MYO1H: variants seen among roughly 807,000 people sequenced by gnomAD.
MYO1H encodes myosin IH.
Under a neutral mutation model 149.3 loss-of-function variants are expected in MYO1H, and 118 were observed. The observed-to-expected ratio is 0.79, with a 90% confidence interval of 0.68 to 0.92. The LOEUF (loss-of-function observed/expected upper bound fraction) is 0.92. MYO1H is among the 40% of genes least tolerant of loss of function. The pLI, the probability that MYO1H is intolerant of heterozygous loss-of-function variation, is 0.00. For missense variants in MYO1H, 1,212 were observed against 1,280.7 expected (o/e 0.95, Z 0.82); for synonymous variants, 447 against 465.2 (o/e 0.96, Z 0.50).
At chr12:109,436,908 G>A (rs1871883904) in intron 22 of MYO1H, among the ~76,000 whole-genome samples, 1 of 151,930 alleles carries the variant, frequency 6.6e-6, no homozygotes. Flanking sequence ...TGGCAGCATG[G>A]TGAAACCCTG....
In MYO1H at chr12:109,410,062, C is replaced by CAT. The variant is rs1326569214; in HGVS notation, c.1325_1326dup (p.Glu443Ter). On this transcript the variant is annotated frameshift_variant, in exon 12 of 32. Transcript: ENST00000310903. LOFTEE classifies it high-confidence loss of function. ...AACAGGCAGAATATGAAATGGAAGG[C>CAT]ATAGAGGTAAACATTTTGATGTTTT... The CAT allele has an allele frequency of 6.7e-7, 1 of 1,493,140 alleles. No individual in the cohort carries two copies. The highest frequency in any genetic ancestry group is 9.0e-7 in the Non-Finnish European group (1 of 1,110,656). The allele number at this position is 1,493,140 out of a possible 1,614,324, so 92.5% of individuals were successfully genotyped here.
chr12:109,371,119 G>A (rs1446890553), intron 1 of MYO1H, among the ~76,000 whole-genome samples: 6 of 151,880 alleles, frequency 4.0e-5, no homozygotes, highest in Non-Finnish European at 8.8e-5. Context: ...AAGCAACTAC[G>A]GTTTTCAATT....
At chr12:109,407,937 C>T (rs774821355) in intron 10 of MYO1H, 24 bp downstream of exon 10, 1 of 1,610,538 alleles carries the variant, frequency 6.2e-7, no homozygotes, top group East Asian at 2.2e-5. Flanking sequence ...TTTTGGATCC[C>T]TTGCTCTTGC....
chr12:109,384,172 C>T (rs1869259804), intron 1 of MYO1H, among the ~76,000 whole-genome samples: 1 of 152,172 alleles, frequency 6.6e-6, no homozygotes, highest in South Asian at 2.1e-4. Context: ...CAGAGATGGC[C>T]ATTCATTCCT....
At chr12:109,417,802 GT>G (rs1870989847) in intron 15 of MYO1H, among the ~76,000 whole-genome samples, 1 of 144,444 alleles carries the variant, frequency 6.9e-6, no homozygotes, top group African/African-American at 2.8e-5. Context: ...TTAAGATTGG[GT>G]TTTTTTGTTT....
intron 1 of MYO1H, among the ~76,000 whole-genome samples, chr12:109,383,446 C>G (rs1869245830): frequency 6.6e-6 from 1 of 152,192 alleles, no homozygotes; most frequent in Admixed American, 6.5e-5. Flanking sequence ...CAATAACAAA[C>G]AGCCCCAAAA....
At chr12:109,326,758 A>G in the MYO1H span, among the ~76,000 whole-genome samples, 1 of 151,938 alleles carries the variant, frequency 6.6e-6, no homozygotes, top group Non-Finnish European at 1.5e-5. Flanking sequence ...GGCTTCAAGC[A>G]ATTCATCCAC....
intron 1 of MYO1H, among the ~76,000 whole-genome samples, chr12:109,357,482 T>C (rs1344224373): frequency 1.3e-5 from 2 of 152,218 alleles, no homozygotes; most frequent in African/African-American, 4.8e-5. Flanking sequence ...TGGCAAACTT[T>C]TTCTGTAAAG....
At chr12:109,378,973 A>G (rs1869144418) in intron 1 of MYO1H, among the ~76,000 whole-genome samples, 1 of 152,236 alleles carries the variant, frequency 6.6e-6, no homozygotes, top group African/African-American at 2.4e-5. Flanking sequence ...ATGGTATACT[A>G]CAGCATTGTT....
chr12:109,316,918 G>A, the MYO1H span, among the ~76,000 whole-genome samples: 5 of 152,164 alleles, frequency 3.3e-5, no homozygotes, highest in African/African-American at 4.8e-5. Context: ...CTTAGCTTTT[G>A]TGCTTAGATT....
intron 17 of MYO1H, 61 bp downstream of exon 17, chr12:109,424,889 C>T (rs1871301582): frequency 1.5e-6 from 2 of 1,313,512 alleles, no homozygotes; most frequent in Non-Finnish European, 2.2e-6. Context: ...TGACCACCAA[C>T]TACCTACGCT....
At position 109,443,134 on chromosome 12, in the gene MYO1H, G is replaced by GTGTACGTATATA. The variant is rs1442117430; in HGVS notation, c.2689-377_2689-376insACGTATATATGT. Among the ~76,000 whole-genome samples the GTGTACGTATATA allele has an allele frequency of 6.9e-5, 8 of 115,220 alleles. 4 individuals carry two copies. Among genetic ancestry groups the GTGTACGTATATA allele is most frequent in the Non-Finnish European group, 1.1e-4 (6 of 56,454 alleles). 75.6% of individuals were successfully genotyped at this position (115,220 alleles called of 152,430 possible). A position where few individuals can be genotyped will look rare whatever the true frequency, so the allele number is the denominator to read the frequency against. Reference sequence around the variant, plus strand: ...TGTGTGTATATGTGTACGTATATATGTGTGTATATGTGTACGTATGTGTGT... The same window carrying GTGTACGTATATA: ...TGTGTGTATATGTGTACGTATATATGTGTACGTATATATGTGTATATGTGTACGTATGTGTGT... On this transcript the variant is annotated intron_variant, in intron 27 of 31. Transcript: ENST00000310903.
chr12:109,446,441 C>G (rs1394444832), intron 31 of MYO1H: 1 of 985,268 alleles, frequency 1.0e-6, no homozygotes, highest in Non-Finnish European at 1.2e-6. Flanking sequence ...GTCTCATACA[C>G]ATTTAAATTT....
At chr12:109,314,708 C>A in the MYO1H span, among the ~76,000 whole-genome samples, 5 of 152,274 alleles carry the variant, frequency 3.3e-5, no homozygotes, top group South Asian at 6.2e-4. Flanking sequence ...AAAGACAGCA[C>A]CTGATGCTAG....
chr12:109,327,947 C>T, the MYO1H span, among the ~76,000 whole-genome samples: 1 of 151,686 alleles, frequency 6.6e-6, no homozygotes, highest in South Asian at 2.1e-4. Context: ...TGCATCAACT[C>T]TTTTTAGACT....
At chr12:109,352,867 C>T (rs1300624532) in intron 1 of MYO1H, among the ~76,000 whole-genome samples, 1 of 152,094 alleles carries the variant, frequency 6.6e-6, no homozygotes, top group African/African-American at 2.4e-5. Flanking sequence ...CAATCTAAAG[C>T]ACTAACCTTG....
intron 21 of MYO1H, among the ~76,000 whole-genome samples, chr12:109,435,391 G>A (rs571803719): frequency 4.2e-4 from 64 of 152,312 alleles, no homozygotes; most frequent in Middle Eastern, 6.8e-3. Flanking sequence ...GTGTAAAACC[G>A]TGAGAGACCA....
intron 14 of MYO1H, among the ~76,000 whole-genome samples, chr12:109,414,329 T>C (rs1870806723): frequency 6.6e-6 from 1 of 151,794 alleles, no homozygotes; most frequent in Non-Finnish European, 1.5e-5. Context: ...TCCAAAAAAT[T>C]AGCCAGGTGT....
intron 15 of MYO1H, among the ~76,000 whole-genome samples, chr12:109,418,067 C>T (rs533663112): frequency 1.3e-5 from 2 of 151,810 alleles, no homozygotes; most frequent in South Asian, 2.1e-4. Flanking sequence ...CCACCCACCT[C>T]GGCCTCCCAA....
Sources: allele counts gnomAD v4.1 joint callset (sites outside exome capture counted in the v4.1 genomes callset), GRCh38; gene constraint gnomAD v4.1.1; transcripts MANE v1.5; gene names NCBI Gene and HGNC (gene_info 2026-07-23, HGNC 2026-07-21).